TPST1: variants seen among roughly 807,000 people sequenced by gnomAD.
TPST1 encodes the protein tyrosylprotein sulfotransferase 1.
Under a neutral mutation model 34.8 loss-of-function variants are expected in TPST1, and 20 were observed. The observed-to-expected ratio is 0.57, with a 90% CI of 0.40 to 0.84. TPST1 has a LOEUF of 0.84. TPST1 is among the 40% of genes least tolerant of loss of function. The probability of loss-of-function intolerance (pLI) is 0.00; values close to 1 mark genes in which losing one functional copy is unlikely to be tolerated. For missense variants in TPST1, 353 were observed against 455.5 expected, an observed-to-expected ratio of 0.78 and a Z score of 2.05; for synonymous variants, 152 against 159.4, an observed-to-expected ratio of 0.95 and a Z score of 0.35.
At chr7:66,334,858 A>ATTCAGTC (rs573172562) in intron 3 of TPST1, among the ~76,000 whole-genome samples, 239 of 152,160 alleles carry the variant, frequency 1.6e-3, no homozygotes, top group African/African-American at 5.5e-3. Flanking sequence ...GGAGGTGTGT[A>ATTCAGTC]TTCAGTCTCC....
At chr7:66,233,175 T>C (rs1789835609) in intron 1 of TPST1, among the ~76,000 whole-genome samples, 1 of 152,210 alleles carries the variant, frequency 6.6e-6, no homozygotes, top group Non-Finnish European at 1.5e-5. Flanking sequence ...TTCTTGGTGG[T>C]GTCCTTTGAA....
Position 66,241,206 on chromosome 7 carries a change from T to C in TPST1, c.781T>C (p.Trp261Arg). ...RTLLKFLQIP[W>R]NHSVLHHEEM... ...ACTCTTAAAGTTCCTCCAGATTCCATGGAACCACTCAGTATTGCACCATGA... is the reference window on the plus strand; with the variant it reads ...ACTCTTAAAGTTCCTCCAGATTCCACGGAACCACTCAGTATTGCACCATGA... Residue 261 changes from tryptophan to arginine, a missense_variant, in exon 2 of 6, where the codon TGG becomes CGG. Coordinates refer to ENST00000304842, the MANE Select transcript of TPST1 (RefSeq NM_003596.4). The C allele has an allele frequency of 1.2e-6, 2 of 1,614,188 alleles. No homozygotes were observed. The highest frequency in any genetic ancestry group is 1.7e-6 in the Non-Finnish European group (2 of 1,180,024).
chr7:66,284,470 CCTT>C (rs1324290359), intron 2 of TPST1, among the ~76,000 whole-genome samples: 1 of 151,500 alleles, frequency 6.6e-6, no homozygotes, highest in Non-Finnish European at 1.5e-5. Context: ...AAACATCTGT[CCTT>C]CAAGTCAAAT....
At chr7:66,326,065 ACT>A (rs1266111168) in intron 3 of TPST1, among the ~76,000 whole-genome samples, 3 of 152,342 alleles carry the variant, frequency 2.0e-5, no homozygotes, top group African/African-American at 7.2e-5. Flanking sequence ...CAACAGAGTC[ACT>A]TTTTCTGTCT....
At chr7:66,334,326 C>A (rs1477987822) in intron 3 of TPST1, among the ~76,000 whole-genome samples, 2 of 151,944 alleles carry the variant, frequency 1.3e-5, no homozygotes, top group Non-Finnish European at 2.9e-5. Context: ...ATCACTCTTC[C>A]CACAAAAATG....
intron 3 of TPST1, among the ~76,000 whole-genome samples, chr7:66,294,340 A>G (rs2115980610): frequency 6.6e-6 from 1 of 152,294 alleles, no homozygotes; most frequent in African/African-American, 2.4e-5. Context: ...TCTTGTTTAT[A>G]TCAGTGTCCT....
chr7:66,234,541 C>G (rs1156712191), intron 1 of TPST1, among the ~76,000 whole-genome samples: 1 of 151,972 alleles, frequency 6.6e-6, no homozygotes, highest in Admixed American at 6.6e-5. Context: ...TGTTTGGAAG[C>G]CTGCAGAATT....
intron 1 of TPST1, among the ~76,000 whole-genome samples, chr7:66,229,692 C>T (rs1172549031): frequency 6.6e-6 from 1 of 152,182 alleles, no homozygotes; most frequent in Non-Finnish European, 1.5e-5. Context: ...ATTTATTGGA[C>T]TCTGCGAAAC....
At chr7:66,336,080 G>A (rs184360425) in intron 3 of TPST1, among the ~76,000 whole-genome samples, 1,525 of 152,332 alleles carry the variant, frequency 0.01, 15 homozygotes, top group Non-Finnish European at 0.017. Context: ...GGAGGCCGAG[G>A]TGGGCAGATC....
intron 3 of TPST1, among the ~76,000 whole-genome samples, chr7:66,314,340 G>C (rs1249100270): frequency 2.0e-5 from 3 of 152,182 alleles, no homozygotes; most frequent in African/African-American, 7.2e-5. Flanking sequence ...CTCAAGACCA[G>C]CCTGGGCAAC....
chr7:66,243,441 A>G (rs536367156), intron 2 of TPST1, among the ~76,000 whole-genome samples: 14 of 152,074 alleles, frequency 9.2e-5, no homozygotes, highest in African/African-American at 2.9e-4. Flanking sequence ...AAACTAGACC[A>G]TATTTCCTTC....
rs1790026822 is a variant in TPST1 at position 66,241,158 on chromosome 7, C to T, written c.733C>T (p.His245Tyr). 10 of 1,614,054 alleles carry T rather than the reference C, an allele frequency of 6.2e-6. No homozygotes were observed. Among genetic ancestry groups the T allele is most frequent in the East Asian group, 2.2e-5 (1 of 44,902 alleles). ...GGTTCACTATGAACAACTTGTCTTA[C>T]ATCCTGAACGGTGGATGAGAACACT... ...MLVHYEQLVL[H>Y]PERWMRTLLK... The change falls in exon 2 of 6, where the codon CAT becomes TAT. Residue 245 changes from histidine to tyrosine, a missense_variant. His to Tyr is a moderately conservative substitution (Grantham distance 83). Coordinates refer to ENST00000304842, the MANE Select transcript of TPST1 (RefSeq NM_003596.4).
Position 66,352,443 on chromosome 7 carries a change from T to C in TPST1, c.1045-62T>C, listed in dbSNP as rs1035747845. 4 of 1,582,726 alleles carry C rather than the reference T, an allele frequency of 2.5e-6. No individual in the cohort carries two copies. The African/African-American group carries it at 5.5e-5, about 22-fold the overall frequency. On this transcript the variant is annotated intron_variant, in intron 3 of 5. Coordinates refer to ENST00000304842, the MANE Select transcript of TPST1 (RefSeq NM_003596.4). The stretch of plus-strand genomic sequence containing the variant: ...CCCGGCCACGGTCAGGCATGGCACA[T>C]GTCCTGCAATGATGGGGACTGGACC...
chr7:66,276,190 A>T (rs910312773), intron 2 of TPST1, among the ~76,000 whole-genome samples: 1 of 151,494 alleles, frequency 6.6e-6, no homozygotes, highest in Non-Finnish European at 1.5e-5. Flanking sequence ...TATATAGATT[A>T]AAAAAACTTT....
chr7:66,339,653 G>T (rs1562851803), intron 3 of TPST1, among the ~76,000 whole-genome samples: 1 of 151,752 alleles, frequency 6.6e-6, no homozygotes, highest in Admixed American at 6.6e-5. Context: ...GATCATCCTG[G>T]GATACGAAGA....
Position 66,240,782 on chromosome 7 carries a change from A to C in TPST1, c.357A>C (p.Lys119Asn). Residue 119 changes from lysine to asparagine, a missense_variant, in exon 2 of 6, where the codon AAA becomes AAC. Lys to Asn is a moderately conservative substitution (Grantham distance 94). Coordinates refer to ENST00000304842, the MANE Select transcript of TPST1 (RefSeq NM_003596.4). ...AGCAGATGTGGTCACGGTCAAGTAA[A>C]GAGAAGATCCGCCTGGATGAGGCTG... is the stretch of plus-strand genomic sequence containing the variant. ...ALKQMWSRSSKEKIRLDEAGV... is the reference protein window; with the variant it reads ...ALKQMWSRSSNEKIRLDEAGV... 6.2e-7 allele frequency: 1 copy of C among 1,614,226 alleles called. No homozygotes were observed. Among genetic ancestry groups the C allele is most frequent in the Non-Finnish European group, 8.5e-7 (1 of 1,180,040 alleles).
chr7:66,234,483 C>A (rs1789869751), intron 1 of TPST1, among the ~76,000 whole-genome samples: 1 of 148,378 alleles, frequency 6.7e-6, no homozygotes, highest in Non-Finnish European at 1.5e-5. Context: ...TGTTTCAGTG[C>A]CATCAAATGT....
At position 66,259,162 on chromosome 7, in the gene TPST1, T is replaced by C. The variant is rs534934570; in HGVS notation, c.845+17892T>C. 2.6e-5 allele frequency among the ~76,000 whole-genome samples: 4 copies of C among 152,252 alleles called. No homozygotes were observed. The South Asian group carries it at 8.3e-4, about 32-fold the overall frequency. The stretch of plus-strand genomic sequence containing the variant: ...TATTTTGTGAGTAGGTGTGGATTCC[T>C]TTTTTTGTTTAGCTTGGTAAATGCT... On this transcript the variant is annotated intron_variant, in intron 2 of 5. Coordinates refer to ENST00000304842, the MANE Select transcript of TPST1 (RefSeq NM_003596.4).
At chr7:66,228,503 T>C (rs1473290660) in intron 1 of TPST1, among the ~76,000 whole-genome samples, 2 of 152,218 alleles carry the variant, frequency 1.3e-5, no homozygotes, top group African/African-American at 4.8e-5. Context: ...GTATCATATA[T>C]GTAACCCCCT....
Sources: allele counts gnomAD v4.1 joint callset (sites outside exome capture counted in the v4.1 genomes callset), GRCh38; gene constraint gnomAD v4.1.1; transcripts MANE v1.5; gene names NCBI Gene and HGNC (gene_info 2026-07-23, HGNC 2026-07-21).